The following TJP1 variants were observed in gnomAD, a reference collection of about 807,000 sequenced individuals.
TJP1 encodes tight junction protein 1, also known as tight junction protein ZO-1.
In TJP1, 43 loss-of-function variants were observed where a neutral mutation model predicts 194.2. The observed-to-expected ratio is 0.22, with a 90% CI of 0.17 to 0.29. TJP1 has a LOEUF of 0.29. Among genes scored for constraint, TJP1 ranks in the 10% least tolerant of loss-of-function variants. The pLI is 1.00. For missense variants in TJP1, 1,971 were observed against 2,185.7 expected, an observed-to-expected ratio of 0.90 and a Z score of 1.96; for synonymous variants, 801 against 779.0, an observed-to-expected ratio of 1.03 and a Z score of -0.47.
At chr15:29,859,793 A>G (rs368226576) in intron 2 of TJP1, among the ~76,000 whole-genome samples, 1 of 152,322 alleles carries the variant, frequency 6.6e-6, no homozygotes, top group East Asian at 1.9e-4. Flanking sequence ...AATTCTCTTC[A>G]TTAACGCTGT....
In TJP1 at chr15:29,879,717, C is replaced by A. The variant is rs1596169706; in HGVS notation, c.306+76515G>T. Among the ~76,000 whole-genome samples the A allele has an allele frequency of 3.4e-5, 3 of 89,224 alleles. No individual in the cohort carries two copies. In the Admixed American group the frequency reaches 3.4e-4, roughly 10 times the overall value. 58.5% of individuals were successfully genotyped at this position (89,224 alleles called of 152,430 possible). ...ATATAGCTTAGACTCTCTTTTTTTTCTTTTTTCTTTTTGAGACAGGGTCTC... is the reference window on the plus strand; with the variant it reads ...ATATAGCTTAGACTCTCTTTTTTTTATTTTTTCTTTTTGAGACAGGGTCTC... On this transcript the variant is annotated intron_variant, in intron 2 of 28. Transcript: ENST00000356107.
At chr15:29,954,013 C>T (rs748482104) in intron 2 of TJP1, among the ~76,000 whole-genome samples, 3 of 152,156 alleles carry the variant, frequency 2.0e-5, no homozygotes, top group African/African-American at 4.8e-5. Flanking sequence ...TGTTAAAATG[C>T]CTCCCTTCAG....
intron 1 of TJP1, among the ~76,000 whole-genome samples, chr15:29,967,720 G>C (rs8035651): frequency 0.95 from 145,077 of 152,304 alleles, 69,236 homozygotes; most frequent in East Asian, 1. Context: ...CTGTCTTATA[G>C]AGCAGGAATT....
At chr15:29,925,972 C>T (rs543919204) in intron 2 of TJP1, among the ~76,000 whole-genome samples, 1 of 152,316 alleles carries the variant, frequency 6.6e-6, no homozygotes, top group African/African-American at 2.4e-5. Context: ...CAGCCACTTT[C>T]AGACCCCTCA....
chr15:29,704,433 T>C (rs2041761505), intron 26 of TJP1, 128 bp from the exon 27 acceptor site: 1 of 1,098,050 alleles, frequency 9.1e-7, no homozygotes, highest in Non-Finnish European at 1.2e-6. Flanking sequence ...ACAGTCGCAC[T>C]GACCACAAAA....
chr15:29,874,173 C>A (rs2052619688), intron 2 of TJP1, among the ~76,000 whole-genome samples: 1 of 152,140 alleles, frequency 6.6e-6, no homozygotes, highest in Non-Finnish European at 1.5e-5. Context: ...GGTGCGGTCA[C>A]ATTAATAACA....
intron 8 of TJP1, among the ~76,000 whole-genome samples, chr15:29,750,108 C>G (rs746470890): frequency 6.6e-6 from 1 of 151,858 alleles, no homozygotes; most frequent in African/African-American, 2.4e-5. Flanking sequence ...CCCGGGTTCA[C>G]GCCATTCTCC....
chr15:29,871,007 C>T (rs2052497707), intron 2 of TJP1, among the ~76,000 whole-genome samples: 1 of 152,230 alleles, frequency 6.6e-6, no homozygotes. Flanking sequence ...CCTCCTCCAG[C>T]CACCTCCTCA....
At position 29,917,081 on chromosome 15, in the gene TJP1, CT is replaced by C. The variant is rs372008270; in HGVS notation, c.306+39150del. ...AAGTATTCATTATTGTTGTTTTCTG[CT>C]TTCTTTAAGAACTGTCTCGTCCTAT... On this transcript the variant is annotated intron_variant, in intron 2 of 28. Coordinates refer to the TJP1 transcript ENST00000356107. Among the ~76,000 whole-genome samples, 46 of 152,264 alleles carry C rather than the reference CT, an allele frequency of 3.0e-4. No individual in the cohort carries two copies. In the East Asian group the frequency reaches 5.6e-3, roughly 19 times the overall value.
At chr15:29,720,885 A>T (rs1220241726) in intron 18 of TJP1, among the ~76,000 whole-genome samples, 177 bp from the exon 19 acceptor site, 1 of 152,200 alleles carries the variant, frequency 6.6e-6, no homozygotes, top group Non-Finnish European at 1.5e-5. Flanking sequence ...AGACACATGG[A>T]GCACCCCTTG....
rs774754573 is a variant in TJP1 at position 29,718,922 on chromosome 15, A to G, written c.3220T>C (p.Tyr1074His). 1.9e-6 allele frequency: 3 copies of G among 1,614,182 alleles called. No individual in the cohort carries two copies. In the Admixed American group the frequency reaches 5.0e-5, roughly 27 times the overall value. ...TCTTCGTATCGCAGACGATGTTCAT[A>G]GTTTCGAGAAAACTGGTCCGTATAG... ...SSYTDQFSRN[Y>H]EHRLRYEDRV... The change falls in exon 21 of 28, where the codon TAT becomes CAT. Residue 1074 changes from tyrosine (Y) to histidine (H), a missense_variant. Physicochemically the swap from Tyr to His is moderately conservative, Grantham distance 83 (BLOSUM62 2). Coordinates refer to ENST00000614355, the MANE Select transcript of TJP1 (RefSeq NM_001330239.4).
intron 24 of TJP1, among the ~76,000 whole-genome samples, chr15:29,709,551 G>A (rs559638237): frequency 6.6e-6 from 1 of 152,164 alleles, no homozygotes; most frequent in South Asian, 2.1e-4. Flanking sequence ...TACAAGACAG[G>A]AGAATTATTA....
chr15:29,749,645 C>T (rs910304193), intron 8 of TJP1, among the ~76,000 whole-genome samples: 1 of 152,186 alleles, frequency 6.6e-6, no homozygotes, highest in Non-Finnish European at 1.5e-5. Context: ...GAGATACCTC[C>T]CCAGCACATG....
At chr15:29,933,230 C>T (rs569220026) in intron 2 of TJP1, among the ~76,000 whole-genome samples, 3 of 152,100 alleles carry the variant, frequency 2.0e-5, no homozygotes, top group Admixed American at 2.0e-4. Flanking sequence ...GTAGATGATG[C>T]AAGCTAATGC....
intron 2 of TJP1, among the ~76,000 whole-genome samples, chr15:29,948,565 C>T (rs1447315171): frequency 6.6e-6 from 1 of 152,114 alleles, no homozygotes; most frequent in African/African-American, 2.4e-5. Context: ...GAAAGAGAGC[C>T]ACAGAAAGAG....
At chr15:29,817,743 C>A (rs2050027625) in intron 1 of TJP1, among the ~76,000 whole-genome samples, 1 of 152,112 alleles carries the variant, frequency 6.6e-6, no homozygotes, top group African/African-American at 2.4e-5. Flanking sequence ...AACAGAAAAC[C>A]AAACACCACA....
intron 5 of TJP1, among the ~76,000 whole-genome samples, chr15:29,763,278 T>G (rs2046123614): frequency 6.6e-6 from 1 of 152,178 alleles, no homozygotes; most frequent in Non-Finnish European, 1.5e-5. Context: ...CTGCAACAGC[T>G]GCAGAAAAAC....
At chr15:29,807,236 G>A (rs1445805714) in intron 1 of TJP1, among the ~76,000 whole-genome samples, 2 of 152,074 alleles carry the variant, frequency 1.3e-5, no homozygotes, top group Admixed American at 6.5e-5. Context: ...CAAAGCTGAA[G>A]GTCTGCTAAA....
At chr15:29,726,124 A>G (rs899134203) in intron 18 of TJP1, among the ~76,000 whole-genome samples, 12 of 152,334 alleles carry the variant, frequency 7.9e-5, no homozygotes, top group African/African-American at 2.6e-4. Context: ...CCTGCTCTTC[A>G]TTATAATTTA....
Sources: gnomAD v4.1 joint callset for allele counts (sites outside exome capture counted in the v4.1 genomes callset) on GRCh38, gnomAD v4.1.1 for gene constraint, MANE v1.5 for transcripts, NCBI Gene and HGNC (gene_info 2026-07-23, HGNC 2026-07-21) for gene names.